Variants in CADM2 observed in about 807,000 individuals in gnomAD.
CADM2 encodes cell adhesion molecule 2, also known as immunoglobulin superfamily member 4D.
A neutral mutation model predicts 49.8 loss-of-function variants in CADM2; 12 were observed. The observed-to-expected ratio is 0.24, with a 90% CI of 0.15 to 0.39. The LOEUF is 0.39. CADM2 is among the 10% of genes least tolerant of loss of function. CADM2 has a pLI of 1.00. For missense variants in CADM2, 378 were observed against 492.3 expected, an observed-to-expected ratio of 0.77 and a Z score of 2.20; for synonymous variants, 214 against 175.4, an observed-to-expected ratio of 1.22 and a Z score of -1.74.
At chr3:85,448,216 C>T (rs140330888) in intron 1 of CADM2, among the ~76,000 whole-genome samples, 265 of 151,714 alleles carry the variant, frequency 1.7e-3, no homozygotes, top group African/African-American at 5.9e-3. Context: ...GCCTGTAGTC[C>T]CAACTACTGG....
intron 2 of CADM2, among the ~76,000 whole-genome samples, chr3:85,742,589 A>T (rs556644191): frequency 6.6e-6 from 1 of 152,228 alleles, no homozygotes; most frequent in Admixed American, 6.5e-5. Context: ...GTTATTTCAG[A>T]GCAAAAATTA....
intron 1 of CADM2, among the ~76,000 whole-genome samples, chr3:85,250,601 G>T (rs370110189): frequency 1.3e-5 from 2 of 151,434 alleles, no homozygotes; most frequent in Non-Finnish European, 3.0e-5. Context: ...AAAAGGAACT[G>T]CCTAAAAATA....
intron 3 of CADM2, among the ~76,000 whole-genome samples, chr3:85,862,274 TA>T (rs2075565432): frequency 6.6e-6 from 1 of 152,150 alleles, no homozygotes; most frequent in Non-Finnish European, 1.5e-5. Context: ...ACTTCACTGC[TA>T]TTTATTTCTG....
chr3:85,964,355 T>G (rs73134127), intron 8 of CADM2, among the ~76,000 whole-genome samples: 3,578 of 151,868 alleles, frequency 0.024, 79 homozygotes, highest in South Asian at 0.096. Flanking sequence ...CACAATTGCT[T>G]AGATTCTATT....
chr3:85,052,243 G>A (rs2035908839), intron 1 of CADM2, among the ~76,000 whole-genome samples: 1 of 152,122 alleles, frequency 6.6e-6, no homozygotes, highest in Non-Finnish European at 1.5e-5. Flanking sequence ...ATATGTCAGT[G>A]AAGCTAAGGT....
intron 2 of CADM2, among the ~76,000 whole-genome samples, chr3:85,743,296 C>T (rs1322441932): frequency 6.6e-6 from 1 of 152,116 alleles, no homozygotes; most frequent in South Asian, 2.1e-4. Flanking sequence ...TACAAAAAAG[C>T]ACAGCTTTTC....
chr3:84,973,206 C>A (rs1020121326), intron 1 of CADM2, among the ~76,000 whole-genome samples: 1 of 152,172 alleles, frequency 6.6e-6, no homozygotes, highest in Non-Finnish European at 1.5e-5. Flanking sequence ...AGCCACTGTG[C>A]CCAGCCTGTA....
At chr3:85,368,777 A>G (rs1451247026) in intron 1 of CADM2, among the ~76,000 whole-genome samples, 2 of 152,124 alleles carry the variant, frequency 1.3e-5, no homozygotes, top group African/African-American at 4.8e-5. Flanking sequence ...TGTAAACAGA[A>G]GAATAGAAAA....
chr3:85,534,564 A>T (rs1365047105), intron 1 of CADM2, among the ~76,000 whole-genome samples: 1 of 152,190 alleles, frequency 6.6e-6, no homozygotes, highest in East Asian at 1.9e-4. Context: ...GTATTATCTA[A>T]GACTGCTTTA....
intron 1 of CADM2, among the ~76,000 whole-genome samples, chr3:85,650,680 T>G (rs139039325): frequency 6.6e-6 from 1 of 151,880 alleles, no homozygotes; most frequent in East Asian, 1.9e-4. Context: ...CAATCTGAGT[T>G]TTAATAAGCC....
chr3:85,404,109 T>C (rs933145296), intron 1 of CADM2, among the ~76,000 whole-genome samples: 16 of 152,144 alleles, frequency 1.1e-4, no homozygotes, highest in Non-Finnish European at 2.2e-4. Context: ...CCTTATCTCA[T>C]TGTGTTAGTT....
chr3:86,022,420 C>A (rs1379313783), intron 8 of CADM2, among the ~76,000 whole-genome samples: 2 of 152,074 alleles, frequency 1.3e-5, no homozygotes, highest in Non-Finnish European at 2.9e-5. Flanking sequence ...CCTTCTCTTT[C>A]AAACTTATTT....
At chr3:85,829,165 A>C (rs1055121909) in intron 3 of CADM2, among the ~76,000 whole-genome samples, 15 of 152,048 alleles carry the variant, frequency 9.9e-5, no homozygotes, top group Admixed American at 2.0e-4. Context: ...CAAAGCAGAA[A>C]GATGAGTAAT....
chr3:86,011,501 G>A (rs1731503836), intron 8 of CADM2, among the ~76,000 whole-genome samples: 1 of 152,058 alleles, frequency 6.6e-6, no homozygotes. Flanking sequence ...ACAATTAGTG[G>A]CAATACCCTT....
intron 1 of CADM2, among the ~76,000 whole-genome samples, chr3:85,350,331 GCTA>G (rs1328746937): frequency 6.6e-6 from 1 of 151,940 alleles, no homozygotes; most frequent in Non-Finnish European, 1.5e-5. Flanking sequence ...TAATAAGAAA[GCTA>G]CTTTTAAATT....
chr3:85,708,076 C>T (rs145551072), intron 1 of CADM2, among the ~76,000 whole-genome samples: 16 of 152,056 alleles, frequency 1.1e-4, no homozygotes, highest in Non-Finnish European at 2.2e-4. Context: ...AGCGTAGGAA[C>T]GGAATTTGGA....
intron 1 of CADM2, among the ~76,000 whole-genome samples, chr3:85,666,121 T>A (rs2065558735): frequency 6.6e-6 from 1 of 151,996 alleles, no homozygotes; most frequent in Non-Finnish European, 1.5e-5. Flanking sequence ...AGCCAAATCA[T>A]AAGTGAACTC....
intron 2 of CADM2, among the ~76,000 whole-genome samples, chr3:85,796,302 T>C (rs1046398153): frequency 1.3e-5 from 2 of 152,144 alleles, no homozygotes; most frequent in Admixed American, 1.3e-4. Flanking sequence ...CTCTGGTAAT[T>C]ATTTCTTCTT....
intron 1 of CADM2, among the ~76,000 whole-genome samples, chr3:85,669,216 A>T (rs1676290422): frequency 6.6e-6 from 1 of 152,124 alleles, no homozygotes; most frequent in African/African-American, 2.4e-5. Flanking sequence ...ATAAGCCTTA[A>T]CAAGTAGTTC....
Sources: allele counts gnomAD v4.1 joint callset (sites outside exome capture counted in the v4.1 genomes callset), GRCh38; gene constraint gnomAD v4.1.1; transcripts MANE v1.5; gene names NCBI Gene and HGNC (gene_info 2026-07-23, HGNC 2026-07-21).